The following EDA variants were observed in gnomAD, a reference collection of about 807,000 sequenced individuals.
EDA encodes the protein ectodysplasin A, also known as ectodysplasin-A.
A neutral mutation model predicts 23.6 loss-of-function variants in EDA; 2 were observed. That is an observed-to-expected ratio of 0.08 (90% CI 0.03 to 0.27). The LOEUF is 0.27. EDA is among the 10% of genes least tolerant of loss of function. The pLI is 1.00. For synonymous variants in EDA, 131 were observed against 132.0 expected (o/e 0.99, Z 0.05); for missense variants, 229 against 324.2 (o/e 0.71, Z 2.26).
At chrX:69,877,974 T>C (rs1303512062) in intron 1 of EDA, among the ~76,000 whole-genome samples, 1 of 112,681 alleles carries the variant, frequency 8.9e-6, no homozygotes, top group African/African-American at 3.2e-5. Flanking sequence ...TGACCATATA[T>C]GTGTAGGTCT....
chrX:69,643,295 T>A (rs1932862080), intron 1 of EDA, among the ~76,000 whole-genome samples: 1 of 110,464 alleles, frequency 9.1e-6, no homozygotes, highest in African/African-American at 3.3e-5. Flanking sequence ...TATTTTAAAT[T>A]TAGGGGGACA....
chrX:69,915,789 T>C (rs2018333321), intron 1 of EDA, among the ~76,000 whole-genome samples: 1 of 110,241 alleles, frequency 9.1e-6, no homozygotes, highest in African/African-American at 3.3e-5. Context: ...AAAAACTAAG[T>C]GTGGACATGG....
At chrX:69,668,936 A>G (rs1933784053) in intron 1 of EDA, among the ~76,000 whole-genome samples, 1 of 112,061 alleles carries the variant, frequency 8.9e-6, no homozygotes, top group Non-Finnish European at 1.9e-5. Flanking sequence ...TACTTTATGT[A>G]TTTAGGTGCT....
rs2020258684 is a variant in EDA, at chrX:70,035,700, G to A, written c.*91G>A. 2 of 1,070,937 alleles carry A rather than the reference G, an allele frequency of 1.9e-6. No individual in the cohort carries two copies. Among genetic ancestry groups the A allele is most frequent in the Non-Finnish European group, 2.6e-6 (2 of 780,435 alleles). 88.3% of individuals were successfully genotyped at this position (1,070,937 alleles called of 1,213,427 possible). On this transcript the variant is annotated 3_prime_UTR_variant, in exon 8 of 8. Coordinates refer to ENST00000374552, the MANE Select transcript of EDA (RefSeq NM_001399.5). ...TCTAAGTGCTGCTGTGGAGTGAGGTGTATTGGTGTTGCAGCCGCAGAGAAA... is the reference window on the plus strand; with the variant it reads ...TCTAAGTGCTGCTGTGGAGTGAGGTATATTGGTGTTGCAGCCGCAGAGAAA...
At chrX:69,720,070 A>C in intron 1 of EDA, among the ~76,000 whole-genome samples, 1 of 110,964 alleles carries the variant, frequency 9.0e-6, no homozygotes. Flanking sequence ...TTATCTACTC[A>C]CCCACTGATG....
At chrX:69,792,878 T>G (rs1403198040) in intron 1 of EDA, among the ~76,000 whole-genome samples, 1 of 112,467 alleles carries the variant, frequency 8.9e-6, no homozygotes, top group African/African-American at 3.2e-5. Flanking sequence ...TAGTCCTTTG[T>G]CAGACACATA....
At chrX:69,849,724 T>G (rs958231479) in intron 1 of EDA, among the ~76,000 whole-genome samples, 7 of 112,042 alleles carry the variant, frequency 6.2e-5, no homozygotes, top group Non-Finnish European at 1.3e-4. Flanking sequence ...TGTCATGCTT[T>G]GCAAGCTAGC....
chrX:69,904,103 C>A (rs1351206217), intron 1 of EDA, among the ~76,000 whole-genome samples: 1 of 111,166 alleles, frequency 9.0e-6, no homozygotes, highest in Non-Finnish European at 1.9e-5. Context: ...GAGCCACCAC[C>A]CCCGGCCACA....
intron 1 of EDA, among the ~76,000 whole-genome samples, chrX:69,761,120 A>G (rs1487136570): frequency 9.0e-6 from 1 of 111,056 alleles, no homozygotes; most frequent in Non-Finnish European, 1.9e-5. Flanking sequence ...TGGCAGATGA[A>G]GAAAAGCTAT....
chrX:70,015,830 C>A (rs145004867), intron 2 of EDA, among the ~76,000 whole-genome samples: 105 of 111,270 alleles, frequency 9.4e-4, no homozygotes, highest in African/African-American at 3.4e-3. Flanking sequence ...TACATAATAA[C>A]CAGCTAACAA....
At chrX:69,979,700 T>C (rs779109211) in intron 2 of EDA, among the ~76,000 whole-genome samples, 1 of 111,870 alleles carries the variant, frequency 8.9e-6, no homozygotes, top group Non-Finnish European at 1.9e-5. Context: ...TTTAGAGGAA[T>C]GTCTATTTAG....
At position 69,624,789 on chromosome X, in the gene EDA, CCTCT is replaced by C. The variant is rs751401580; in HGVS notation, c.396+8113_396+8116del. 1.7e-3 allele frequency among the ~76,000 whole-genome samples: 161 copies of C among 95,676 alleles called. 1 individual carries two copies. Among genetic ancestry groups the C allele is most frequent in the Admixed American group, 1.3e-3 (12 of 8,924 alleles). 83.1% of individuals were successfully genotyped at this position (95,676 alleles called of 115,157 possible). A position where few individuals can be genotyped will look rare whatever the true frequency, so the allele number is the denominator to read the frequency against. ...TAGCTTCATGAGTCTGTCAGAAGCT[CCTCT>C]CTCTCTCTCTCTCTCTCTCTCTCTC... On this transcript the variant is annotated intron_variant, in intron 1 of 7. Transcript: ENST00000374552.
chrX:69,971,645 T>C (rs2019249458), intron 2 of EDA, among the ~76,000 whole-genome samples: 1 of 111,674 alleles, frequency 9.0e-6, no homozygotes, highest in South Asian at 3.8e-4. Context: ...TTGATAAACC[T>C]CTATCCAGAT....
At position 69,732,250 on chromosome X, in the gene EDA, C is replaced by T. The variant is rs192114609; in HGVS notation, c.396+115546C>T. The stretch of plus-strand genomic sequence containing the variant: ...TATGTCCTAATGCTATAATTTCCCC[C>T]TTCCACCACCCCACAACAGGCCCCA... On this transcript the variant is annotated intron_variant, in intron 1 of 7. Transcript: ENST00000374552. Among the ~76,000 whole-genome samples the T allele has an allele frequency of 3.6e-5, 4 of 111,217 alleles. No homozygotes were observed. In the East Asian group the frequency reaches 1.1e-3, roughly 31 times the overall value.
intron 1 of EDA, among the ~76,000 whole-genome samples, chrX:69,845,528 G>T (rs945075075): frequency 8.9e-6 from 1 of 112,154 alleles, no homozygotes; most frequent in Non-Finnish European, 1.9e-5. Context: ...TTTCGCCAGG[G>T]TTAATAGGTC....
chrX:69,705,223 CAAAAAA>C (rs545649412), intron 1 of EDA, among the ~76,000 whole-genome samples: 1 of 58,877 alleles, frequency 1.7e-5, no homozygotes, highest in Non-Finnish European at 3.0e-5. Context: ...AACTCCATCT[CAAAAAA>C]AAAAAAAAAA....
At chrX:69,657,454 T>C (rs766631264) in intron 1 of EDA, among the ~76,000 whole-genome samples, 9 of 112,444 alleles carry the variant, frequency 8.0e-5, no homozygotes, top group African/African-American at 2.9e-4. Flanking sequence ...TGGTAGTTTC[T>C]TTCACTGTGC....
intron 1 of EDA, among the ~76,000 whole-genome samples, chrX:69,858,475 CTATT>C (rs974584118): frequency 8.9e-6 from 1 of 111,937 alleles, no homozygotes; most frequent in African/African-American, 3.2e-5. Context: ...TTTTCTGTAT[CTATT>C]GTGATAATCA....
chrX:69,856,059 C>A (rs1432259030), intron 1 of EDA, among the ~76,000 whole-genome samples: 2 of 110,305 alleles, frequency 1.8e-5, no homozygotes, highest in African/African-American at 3.3e-5. Context: ...CACACTTCCC[C>A]TCAAGTCCCC....
Sources: allele counts gnomAD v4.1 joint callset (sites outside exome capture counted in the v4.1 genomes callset), GRCh38; gene constraint gnomAD v4.1.1; transcripts MANE v1.5; gene names NCBI Gene and HGNC (gene_info 2026-07-23, HGNC 2026-07-21).